The following TESMIN variants were observed in gnomAD, a reference collection of about 807,000 sequenced individuals.
The protein encoded by TESMIN is testis expressed metallothionein like protein, also known as CXC domain containing 2.
In TESMIN, 34 loss-of-function variants were observed where a neutral mutation model predicts 47.4. The observed-to-expected ratio is 0.72, with a 90% CI of 0.55 to 0.96. The LOEUF is 0.96. Among genes scored for constraint, TESMIN ranks in the 40% least tolerant of loss-of-function variants. The probability of loss-of-function intolerance (pLI) is 0.00; values close to 1 mark genes in which losing one functional copy is unlikely to be tolerated. For synonymous variants in TESMIN, 278 were observed against 258.9 expected (o/e 1.07, Z -0.71); for missense variants, 610 against 637.2 (o/e 0.96, Z 0.46).
intron 6 of TESMIN, chr11:68,737,198 T>G: frequency 1.0e-6 from 1 of 985,374 alleles, no homozygotes; most frequent in Non-Finnish European, 1.2e-6. Context: ...AGATGACCAA[T>G]TACAATCATA....
At chr11:68,736,299 A>G (rs554431206) in intron 6 of TESMIN, 3 of 985,414 alleles carry the variant, frequency 3.0e-6, no homozygotes, top group East Asian at 2.3e-4. Context: ...ATGATAAGCT[A>G]GTTAATAAGT....
chr11:68,720,381 A>G (rs1374035542), intron 6 of TESMIN, among the ~76,000 whole-genome samples: 2 of 152,118 alleles, frequency 1.3e-5, no homozygotes, highest in Admixed American at 6.5e-5. Flanking sequence ...ATGTGCTCTT[A>G]TCATTCCTCA....
At position 68,711,260 on chromosome 11, in the gene TESMIN, TGA is replaced by T. The variant is rs1221744795; in HGVS notation, c.1159-213_1159-212del. On this transcript the variant is annotated intron_variant, in intron 8 of 9. Transcript: ENST00000255087. ...GAGTGTGTGTGGGGTGTGTGTGTGT[TGA>T]GTGTGAATGTGTAAGAGTGTGTGTG... 4.1e-5 allele frequency among the ~76,000 whole-genome samples: 6 copies of T among 147,372 alleles called. No homozygotes were observed. In the East Asian group the frequency reaches 1.2e-3, roughly 29 times the overall value.
intron 3 of TESMIN, among the ~76,000 whole-genome samples, chr11:68,746,321 C>T (rs563813965): frequency 5.4e-4 from 82 of 152,256 alleles, no homozygotes; most frequent in African/African-American, 1.9e-3. Flanking sequence ...CTTGGGGAGT[C>T]GGAGAGTTCT....
intron 6 of TESMIN, chr11:68,737,950 AAAAC>A (rs969537101): frequency 2.6e-4 from 260 of 983,438 alleles, no homozygotes; most frequent in Middle Eastern, 1.0e-3. Context: ...AAAACAAGAA[AAAAC>A]AAACAAACAA....
rs550007704 is a variant in TESMIN at position 68,750,634 on chromosome 11, C to T, written c.27G>A (p.Gly9=). 2 of 1,571,132 alleles carry T rather than the reference C, an allele frequency of 1.3e-6. No individual in the cohort carries two copies. Among genetic ancestry groups the T allele is most frequent in the East Asian group, 2.4e-5 (1 of 42,286 alleles). The part of the protein sequence containing the change: MEEGPLPG[G]LPSPEDAMVT... Reference sequence around the variant, plus strand: ...CCATCGCATCCTCGGGGCTGGGCAGCCCGCCCGGCAGAGGGCCCTCCTCCA... The same window carrying T: ...CCATCGCATCCTCGGGGCTGGGCAGTCCGCCCGGCAGAGGGCCCTCCTCCA... Residue 9 remains glycine, a synonymous_variant, in exon 2 of 10, where the codon GGG becomes GGA. Coordinates refer to ENST00000255087, the MANE Select transcript of TESMIN (RefSeq NM_004923.3).
At chr11:68,751,044 GACCA>G in intron 1 of TESMIN, among the ~76,000 whole-genome samples, 1 of 74,746 alleles carries the variant, frequency 1.3e-5, no homozygotes, top group Non-Finnish European at 2.7e-5. Context: ...CGGGAGGGGC[GACCA>G]GGGGAGGGGC....
intron 6 of TESMIN, among the ~76,000 whole-genome samples, chr11:68,733,187 G>A (rs1346575266): frequency 1.3e-5 from 2 of 152,138 alleles, no homozygotes; most frequent in East Asian, 1.9e-4. Context: ...TCCAGCCCCC[G>A]ACTCCACGTG....
At chr11:68,735,390 G>A (rs1273846373) in intron 6 of TESMIN, among the ~76,000 whole-genome samples, 1 of 152,222 alleles carries the variant, frequency 6.6e-6, no homozygotes, top group Non-Finnish European at 1.5e-5. Context: ...AGGCAGTCCA[G>A]TGGGGACCCA....
chr11:68,712,323 G>A (rs1214040158), intron 8 of TESMIN, among the ~76,000 whole-genome samples: 8 of 152,308 alleles, frequency 5.3e-5, no homozygotes, highest in South Asian at 2.1e-4. Context: ...CATCTCTGTC[G>A]TGTTTTGACT....
At chr11:68,749,365 A>C (rs1326112863) in intron 2 of TESMIN, among the ~76,000 whole-genome samples, 1 of 152,252 alleles carries the variant, frequency 6.6e-6, no homozygotes, top group East Asian at 1.9e-4. Flanking sequence ...GTCAGGCTCC[A>C]GCCATCTCAA....
intron 4 of TESMIN, among the ~76,000 whole-genome samples, chr11:68,743,090 C>A (rs1224814138): frequency 1.3e-5 from 2 of 152,142 alleles, no homozygotes; most frequent in African/African-American, 2.4e-5. Flanking sequence ...ATTGACCAGA[C>A]TGGTCTTCAA....
Position 68,708,356 on chromosome 11 carries a change from T to G in TESMIN, c.1479A>C (p.Ser493=), listed in dbSNP as rs376716146. Residue 493 remains serine (S), a synonymous_variant, in exon 10 of 10, where the codon TCA becomes TCC. Coordinates refer to ENST00000255087, the MANE Select transcript of TESMIN (RefSeq NM_004923.3). Reference sequence around the variant, plus strand: ...ATTTAAACTCAGTGTGGAGAATCTGTGATAAGCACCTTCCAAATTCCTCCA... The same window carrying G: ...ATTTAAACTCAGTGTGGAGAATCTGGGATAAGCACCTTCCAAATTCCTCCA... ...MILEEFGRCL[S]QILHTEFKSK... 2 of 1,613,430 alleles carry G rather than the reference T, an allele frequency of 1.2e-6. No individual in the cohort carries two copies. The highest frequency in any genetic ancestry group is 2.2e-5 in the East Asian group (1 of 44,894).
chr11:68,716,021 A>C, intron 6 of TESMIN, 82 bp from the exon 7 acceptor site: 1 of 908,054 alleles, frequency 1.1e-6, no homozygotes, highest in East Asian at 2.6e-5. Context: ...GTGTAAGGAA[A>C]GAGCGGGCAG....
chr11:68,750,392 C>T lies in TESMIN; in HGVS notation c.269G>A (p.Gly90Asp). ...GGGGTACTCCCCGAGGAGCTCCCCG[C>T]CGTCGCTGTCGCCCCCCGCGAGCTT... ...KAKLAGGDSDGGELLGEYPGI... is the reference protein window; with the variant it reads ...KAKLAGGDSDDGELLGEYPGI... The change falls in exon 2 of 10, where the codon GGC (glycine) becomes GAC (aspartate). Residue 90 changes from glycine to aspartate, a missense_variant. Gly to Asp is a moderately conservative substitution (Grantham distance 94). Coordinates refer to ENST00000255087, the MANE Select transcript of TESMIN (RefSeq NM_004923.3). 2.6e-6 allele frequency: 4 copies of T among 1,514,620 alleles called. No individual in the cohort carries two copies. The highest frequency in any genetic ancestry group is 3.5e-6 in the Non-Finnish European group (4 of 1,127,084). The allele number at this position is 1,514,620 out of a possible 1,614,324, so 93.8% of individuals were successfully genotyped here. A position where few individuals can be genotyped will look rare whatever the true frequency, so the allele number is the denominator to read the frequency against.
At chr11:68,720,591 C>T (rs975330960) in intron 6 of TESMIN, among the ~76,000 whole-genome samples, 2 of 152,148 alleles carry the variant, frequency 1.3e-5, no homozygotes, top group Non-Finnish European at 2.9e-5. Flanking sequence ...CACCCCTTCA[C>T]CCACGGTCTT....
At chr11:68,750,966 T>G (rs1247893666) in intron 1 of TESMIN, among the ~76,000 whole-genome samples, 15 of 40,948 alleles carry the variant, frequency 3.7e-4, no homozygotes, top group African/African-American at 4.1e-4. Flanking sequence ...GGCGGCCAGG[T>G]GAGGAGCGAC....
chr11:68,705,783 G>A (rs1945991558), downstream of TESMIN, among the ~76,000 whole-genome samples: 1 of 152,250 alleles, frequency 6.6e-6, no homozygotes, highest in Admixed American at 6.5e-5. Context: ...AGCTCTTTGG[G>A]AGGCCCAGGG....
chr11:68,729,914 A>T (rs1481524371), intron 6 of TESMIN, among the ~76,000 whole-genome samples: 3 of 152,246 alleles, frequency 2.0e-5, no homozygotes, highest in African/African-American at 7.2e-5. Flanking sequence ...ACTATAGAGA[A>T]ATCTTTCCTG....
Sources: allele counts gnomAD v4.1 joint callset (sites outside exome capture counted in the v4.1 genomes callset), GRCh38; gene constraint gnomAD v4.1.1; transcripts MANE v1.5; gene names NCBI Gene and HGNC (gene_info 2026-07-23, HGNC 2026-07-21).